The following TXLNB variants were observed in gnomAD, a reference collection of about 807,000 sequenced individuals.
The protein encoded by TXLNB is taxilin beta.
In TXLNB, 37 loss-of-function variants were observed where a neutral mutation model predicts 57.4. That is an observed-to-expected ratio of 0.64 (90% confidence interval 0.50 to 0.85). TXLNB has a LOEUF of 0.85. Ranked by LOEUF, TXLNB falls within the 40% of genes least tolerant of loss-of-function variation. TXLNB has a pLI of 0.00. For missense variants in TXLNB, 848 were observed against 825.6 expected (o/e 1.03, Z -0.33); for synonymous variants, 302 against 309.6 (o/e 0.98, Z 0.26).
the TXLNB span, among the ~76,000 whole-genome samples, chr6:139,323,376 G>A: frequency 7.3e-4 from 108 of 148,880 alleles, 1 homozygote; most frequent in African/African-American, 2.6e-3. Context: ...TCCGCCTCCC[G>A]AGTTCAAGCA....
chr6:139,260,834 G>A (rs1228439202), intron 5 of TXLNB, among the ~76,000 whole-genome samples: 2 of 152,166 alleles, frequency 1.3e-5, no homozygotes, highest in African/African-American at 2.4e-5. Flanking sequence ...CTCTTTCTGT[G>A]AATATAAAAC....
At chr6:139,162,393 C>T in the TXLNB span, among the ~76,000 whole-genome samples, 1 of 152,104 alleles carries the variant, frequency 6.6e-6, no homozygotes, top group Non-Finnish European at 1.5e-5. Context: ...ATTTAAGGTA[C>T]ATTCTGTTGT....
At chr6:139,317,919 A>T in the TXLNB span, among the ~76,000 whole-genome samples, 1 of 152,140 alleles carries the variant, frequency 6.6e-6, no homozygotes, top group Non-Finnish European at 1.5e-5. Flanking sequence ...TAAAAAATTT[A>T]AAAAACAGAA....
the TXLNB span, chr6:139,166,478 G>T: frequency 6.2e-7 from 1 of 1,614,072 alleles, no homozygotes; most frequent in African/African-American, 1.3e-5. Flanking sequence ...CAGCTGGAAC[G>T]AGAAGCAATG....
chr6:139,191,908 C>T, the TXLNB span, among the ~76,000 whole-genome samples: 8 of 152,134 alleles, frequency 5.3e-5, no homozygotes, highest in Non-Finnish European at 8.8e-5. Flanking sequence ...AAAGTAACTT[C>T]CCAAAGCTGG....
chr6:139,276,256 C>T lies in TXLNB; in HGVS notation c.516+574G>A, dbSNP rs537407510. Reference sequence around the variant, plus strand: ...ACTAACTTTAATAAAGTTTCCCAAACTATGTCAATATACCTAAAAATGCGT... The same window carrying T: ...ACTAACTTTAATAAAGTTTCCCAAATTATGTCAATATACCTAAAAATGCGT... On this transcript the variant is annotated intron_variant, in intron 3 of 9. Transcript: ENST00000358430. Among the ~76,000 whole-genome samples the T allele has an allele frequency of 1.9e-3, 295 of 152,226 alleles. 1 individual carries two copies. Among genetic ancestry groups the T allele is most frequent in the African/African-American group, 6.3e-3 (262 of 41,546 alleles).
At position 139,246,783 on chromosome 6, in the gene TXLNB, G is replaced by A. The variant is rs149698687; in HGVS notation, c.1170+1034C>T. On this transcript the variant is annotated intron_variant, in intron 8 of 9. Coordinates refer to ENST00000358430, the MANE Select transcript of TXLNB (RefSeq NM_153235.4). ...TATAAAATTAACCGGACATGGTGGT[G>A]CATGCCTGTAATCCCAGCTACTCGG... 1.5e-3 allele frequency among the ~76,000 whole-genome samples: 230 copies of A among 152,062 alleles called. 3 individuals are homozygous for A. In the East Asian group the frequency reaches 0.027, roughly 18 times the overall value.
At chr6:139,162,928 C>T in the TXLNB span, among the ~76,000 whole-genome samples, 2 of 152,144 alleles carry the variant, frequency 1.3e-5, no homozygotes, top group Non-Finnish European at 2.9e-5. Context: ...GTCTTCTGTA[C>T]CCTGCCCATG....
the TXLNB span, among the ~76,000 whole-genome samples, chr6:139,299,708 C>T: frequency 1.5e-4 from 23 of 152,152 alleles, no homozygotes; most frequent in Non-Finnish European, 2.6e-4. Context: ...TGTGGGACCC[C>T]CTGGGTTTGT....
the TXLNB span, among the ~76,000 whole-genome samples, chr6:139,191,171 G>A: frequency 2.0e-5 from 3 of 152,042 alleles, no homozygotes; most frequent in Non-Finnish European, 4.4e-5. Flanking sequence ...TGTAATCCCA[G>A]CACTTTGGGA....
chr6:139,204,449 C>T, the TXLNB span, among the ~76,000 whole-genome samples: 1 of 152,202 alleles, frequency 6.6e-6, no homozygotes, highest in Non-Finnish European at 1.5e-5. Context: ...CCCAGGGAAG[C>T]CATCCCTAAC....
chr6:139,306,861 A>G, the TXLNB span, among the ~76,000 whole-genome samples: 40 of 152,112 alleles, frequency 2.6e-4, no homozygotes, highest in African/African-American at 8.4e-4. Flanking sequence ...CTTGACTCTC[A>G]CCATACTTGC....
At chr6:139,222,425 C>T in the TXLNB span, among the ~76,000 whole-genome samples, 1 of 152,094 alleles carries the variant, frequency 6.6e-6, no homozygotes. Context: ...AATAAAGTGG[C>T]CAATCCAACA....
the TXLNB span, among the ~76,000 whole-genome samples, chr6:139,221,198 C>T: frequency 6.6e-6 from 1 of 152,128 alleles, no homozygotes; most frequent in Non-Finnish European, 1.5e-5. Flanking sequence ...CAAAGCATCC[C>T]ACAGTTTCAT....
the TXLNB span, among the ~76,000 whole-genome samples, chr6:139,208,310 T>C: frequency 6.6e-6 from 1 of 151,940 alleles, no homozygotes; most frequent in African/African-American, 2.4e-5. Context: ...TTTAAAAAAT[T>C]ACCAACAAAA....
the TXLNB span, among the ~76,000 whole-genome samples, chr6:139,225,524 C>T: frequency 6.6e-6 from 1 of 151,942 alleles, no homozygotes; most frequent in Non-Finnish European, 1.5e-5. Context: ...TTTTGTATAT[C>T]GGCAGCAAAC....
chr6:139,189,510 A>G, the TXLNB span, among the ~76,000 whole-genome samples: 1 of 152,212 alleles, frequency 6.6e-6, no homozygotes, highest in South Asian at 2.1e-4. Flanking sequence ...TTAACAAGAT[A>G]TTAATTATGA....
At chr6:139,198,954 C>T in the TXLNB span, among the ~76,000 whole-genome samples, 2 of 151,458 alleles carry the variant, frequency 1.3e-5, no homozygotes, top group East Asian at 1.9e-4. Flanking sequence ...TCGAATATGC[C>T]ATCTGTTTCT....
At chr6:139,200,688 C>T in the TXLNB span, among the ~76,000 whole-genome samples, 1 of 152,184 alleles carries the variant, frequency 6.6e-6, no homozygotes, top group African/African-American at 2.4e-5. Flanking sequence ...GGTGGGATGT[C>T]TCCATTAGGT....
Sources: allele counts gnomAD v4.1 joint callset (sites outside exome capture counted in the v4.1 genomes callset), GRCh38; gene constraint gnomAD v4.1.1; transcripts MANE v1.5; gene names NCBI Gene and HGNC (gene_info 2026-07-23, HGNC 2026-07-21).